Variants in PCDHGB6 observed in about 807,000 individuals in gnomAD.
PCDHGB6 encodes the protein protocadherin gamma-B6.
A neutral mutation model predicts 59.1 loss-of-function variants in PCDHGB6; 51 were observed. That is an observed-to-expected ratio of 0.86 (90% CI 0.69 to 1.09). The LOEUF is 1.09. Among genes scored for constraint, PCDHGB6 ranks in the 50% least tolerant of loss-of-function variants. The probability of loss-of-function intolerance (pLI) is 0.00; values close to 1 mark genes in which losing one functional copy is unlikely to be tolerated. For missense variants in PCDHGB6, 1,148 were observed against 1,205.1 expected, an observed-to-expected ratio of 0.95 and a Z score of 0.70; for synonymous variants, 466 against 495.1, an observed-to-expected ratio of 0.94 and a Z score of 0.78.
intron 1 of PCDHGB6, among the ~76,000 whole-genome samples, chr5:141,492,711 C>T (rs927567393): frequency 4.6e-5 from 7 of 152,254 alleles, no homozygotes; most frequent in East Asian, 3.8e-4. Flanking sequence ...AAGCCTCGAG[C>T]AGGCGGACAG....
At chr5:141,428,066 A>T in intron 1 of PCDHGB6, 2 of 1,609,118 alleles carry the variant, frequency 1.2e-6, no homozygotes, top group Non-Finnish European at 1.7e-6. Context: ...CGGTGGACGC[A>T]GATTCGGGAC....
intron 1 of PCDHGB6, chr5:141,418,303 G>T: frequency 6.2e-7 from 1 of 1,614,032 alleles, no homozygotes; most frequent in Middle Eastern, 1.6e-4. Flanking sequence ...CCGTCAGCCT[G>T]GGGATGGGAA....
intron 1 of PCDHGB6, among the ~76,000 whole-genome samples, chr5:141,469,852 C>T (rs529924249): frequency 1.3e-4 from 20 of 152,054 alleles, no homozygotes; most frequent in African/African-American, 4.8e-4. Flanking sequence ...AGATTCAGAC[C>T]GGGTGCAATG....
chr5:141,490,933 C>T lies in PCDHGB6; in HGVS notation c.2419-3874C>T, dbSNP rs781291690. ...CGAGAATGATAATGCCCCAGCTGTG[C>T]TGCACCCACGGCCAGACTGGGAACA... On this transcript the variant is annotated intron_variant, in intron 1 of 3. Transcript: ENST00000520790. The surrounding 1 kb of genome is among the most constrained non-coding windows in gnomAD (Gnocchi z 5.4). 5.0e-6 allele frequency: 8 copies of T among 1,613,702 alleles called. No individual in the cohort carries two copies. The highest frequency in any genetic ancestry group is 5.9e-6 in the Non-Finnish European group (7 of 1,179,770).
At position 141,431,020 on chromosome 5, in the gene PCDHGB6, G is replaced by T. The variant is rs941765907; in HGVS notation, c.2418+20400G>T. ...CGCGCAGCGGCAGCTTGGTCACGGCGGGCAGGATAGACCGGGAGGAGCTCT... is the reference window on the plus strand; with the variant it reads ...CGCGCAGCGGCAGCTTGGTCACGGCTGGCAGGATAGACCGGGAGGAGCTCT... On this transcript the variant is annotated intron_variant, in intron 1 of 3. Coordinates refer to ENST00000520790, the MANE Select transcript of PCDHGB6 (RefSeq NM_018926.3). This position sits in a 1 kb window ranked among gnomAD's most constrained non-coding sequence, Gnocchi z 4.8. 2.5e-6 allele frequency: 4 copies of T among 1,614,050 alleles called. No homozygotes were observed. The East Asian group carries it at 8.9e-5, about 36-fold the overall frequency.
At chr5:141,440,868 T>A (rs1288344051) in intron 1 of PCDHGB6, 1 of 152,150 alleles carries the variant, frequency 6.6e-6, no homozygotes, top group East Asian at 1.9e-4. Flanking sequence ...ATCTAGGATG[T>A]GTACAGCGTC....
chr5:141,420,934 C>T, intron 1 of PCDHGB6: 1 of 377,936 alleles, frequency 2.6e-6, no homozygotes, highest in South Asian at 5.3e-5. Context: ...TGAGCGTAAT[C>T]ATTTCTTCTG....
intron 1 of PCDHGB6, chr5:141,433,359 CT>C: frequency 8.7e-6 from 2 of 228,708 alleles, no homozygotes; most frequent in Non-Finnish European, 1.6e-5. Context: ...TACTGTCTGC[CT>C]ATCTATCTAT....
chr5:141,504,209 C>T (rs1305672612), intron 2 of PCDHGB6, among the ~76,000 whole-genome samples: 1 of 152,180 alleles, frequency 6.6e-6, no homozygotes, highest in Non-Finnish European at 1.5e-5. Flanking sequence ...TGGGAAAATT[C>T]CAAGTAGAGC....
At chr5:141,498,318 G>T (rs927950671) in intron 2 of PCDHGB6, among the ~76,000 whole-genome samples, 2 of 151,792 alleles carry the variant, frequency 1.3e-5, no homozygotes, top group African/African-American at 4.8e-5. Flanking sequence ...TGCCTACACA[G>T]AAGGAAGAGC....
At chr5:141,502,499 C>A (rs552402476) in intron 2 of PCDHGB6, among the ~76,000 whole-genome samples, 12 of 152,122 alleles carry the variant, frequency 7.9e-5, no homozygotes, top group Non-Finnish European at 2.9e-5. Flanking sequence ...CATCTAACGT[C>A]GGCCTGTCCC....
chr5:141,472,994 AAAAG>A (rs1425445230), intron 1 of PCDHGB6, among the ~76,000 whole-genome samples: 7 of 151,692 alleles, frequency 4.6e-5, no homozygotes, highest in African/African-American at 1.7e-4. Context: ...AAAAAAAAAA[AAAAG>A]AAAGAAAAAG....
At position 141,477,460 on chromosome 5, in the gene PCDHGB6, C is replaced by T; in HGVS notation, c.2419-17347C>T. 6.2e-7 allele frequency: 1 copy of T among 1,614,132 alleles called. No individual in the cohort carries two copies. Among genetic ancestry groups the T allele is most frequent in the Non-Finnish European group, 8.5e-7 (1 of 1,180,020 alleles). On this transcript the variant is annotated intron_variant, in intron 1 of 3. Transcript: ENST00000520790. The surrounding 1 kb of genome is among the most constrained non-coding windows in gnomAD (Gnocchi z 4.9). ...TTACAATAGTGCGTGTTCAAGTGTC[C>T]GACATCAATGACAACCCTCCACAAT...
intron 2 of PCDHGB6, among the ~76,000 whole-genome samples, chr5:141,503,568 C>T (rs1357099545): frequency 6.9e-6 from 1 of 144,390 alleles, no homozygotes; most frequent in Non-Finnish European, 1.5e-5. Context: ...CACTGTACTC[C>T]AGCCTGGGTG....
In PCDHGB6 at chr5:141,435,253, G is replaced by A. The variant is rs2097754974; in HGVS notation, c.2418+24633G>A. Among the ~76,000 whole-genome samples the A allele has an allele frequency of 1.3e-5, 2 of 152,064 alleles. 1 individual carries two copies. The highest frequency in any genetic ancestry group is 3.9e-4 in the East Asian group (2 of 5,184). On this transcript the variant is annotated intron_variant, in intron 1 of 3. Transcript: ENST00000520790. ...TTCAGTAATTCTTTCTGGCCATTAG[G>A]GATATGTCCATTTATACTTTCTCAG...
Position 141,418,514 on chromosome 5 carries a change from G to A in PCDHGB6, c.2418+7894G>A. Reference sequence around the variant, plus strand: ...GGTACTGACCGCCTTAGATGGTGGGGACCCTCCCCGAAGCGGTACTGCTCA... The same window carrying A: ...GGTACTGACCGCCTTAGATGGTGGGAACCCTCCCCGAAGCGGTACTGCTCA... On this transcript the variant is annotated intron_variant, in intron 1 of 3. Transcript: ENST00000520790. 1 of 1,613,996 alleles carries A rather than the reference G, an allele frequency of 6.2e-7. No homozygotes were observed.
Position 141,511,378 on chromosome 5 carries a change from T to C in PCDHGB6, c.*205T>C. 1 of 1,202,114 alleles carries C rather than the reference T, an allele frequency of 8.3e-7. No homozygotes were observed. The highest frequency in any genetic ancestry group is 1.1e-6 in the Non-Finnish European group (1 of 882,194). The allele number at this position is 1,202,114 out of a possible 1,614,324, so 74.5% of individuals were successfully genotyped here. A position where few individuals can be genotyped will look rare whatever the true frequency, so the allele number is the denominator to read the frequency against. On this transcript the variant is annotated 3_prime_UTR_variant, in exon 4 of 4. Coordinates refer to ENST00000520790, the MANE Select transcript of PCDHGB6 (RefSeq NM_018926.3). ...AGGGGGTTGAATATGCAAAAGCAGT[T>C]CCGCTGGGAACCCCCATCCAATCAA...
intron 1 of PCDHGB6, chr5:141,415,758 T>G (rs200061978): frequency 0.08 from 111,079 of 1,380,048 alleles, 1,979 homozygotes; most frequent in African/African-American, 0.17. Context: ...TTTTTTTTTT[T>G]TTTTTTTTTT....
At chr5:141,460,650 T>C (rs1264813071) in intron 1 of PCDHGB6, among the ~76,000 whole-genome samples, 2 of 152,094 alleles carry the variant, frequency 1.3e-5, no homozygotes, top group East Asian at 3.9e-4. Flanking sequence ...TGTTTACACA[T>C]ATGTAACTGT....
Sources: allele counts gnomAD v4.1 joint callset (sites outside exome capture counted in the v4.1 genomes callset), GRCh38; gene constraint gnomAD v4.1.1; non-coding constraint Gnocchi (gnomAD v3.1); transcripts MANE v1.5; gene names NCBI Gene and HGNC (gene_info 2026-07-23, HGNC 2026-07-21).